Variants in ARSK observed in about 807,000 individuals in gnomAD.
ARSK encodes the protein arylsulfatase family member K.
A neutral mutation model predicts 53.2 loss-of-function variants in ARSK; 37 were observed. The observed-to-expected ratio is 0.70, with a 90% CI of 0.54 to 0.92. The LOEUF is 0.92. ARSK is among the 40% of genes least tolerant of loss of function. The pLI, the probability that ARSK is intolerant of heterozygous loss-of-function variation, is 0.00. For missense variants in ARSK, 613 were observed against 643.0 expected (o/e 0.95, Z 0.51); for synonymous variants, 208 against 223.2 (o/e 0.93, Z 0.61).
rs577621938 is a variant in ARSK, at chr5:95,584,966, C to T, written c.700-1596C>T. ...CGGAGGTTACAGTGAACCGAGATTG[C>T]GTCATTGCACCCCAGCCTGGGCAAC... is the stretch of plus-strand genomic sequence containing the variant. On this transcript the variant is annotated intron_variant, in intron 4 of 7. Coordinates refer to ENST00000380009, the MANE Select transcript of ARSK (RefSeq NM_198150.3). Among the ~76,000 whole-genome samples the T allele has an allele frequency of 1.2e-4, 19 of 152,156 alleles. 1 individual carries two copies. Among genetic ancestry groups the T allele is most frequent in the African/African-American group, 3.9e-4 (16 of 41,512 alleles).
In ARSK at chr5:95,605,013, A is replaced by G. The variant is rs995164252; in HGVS notation, c.*1487A>G. 2.0e-5 allele frequency: 3 copies of G among 152,248 alleles called. No homozygotes were observed. The highest frequency in any genetic ancestry group is 2.1e-4 in the South Asian group (1 of 4,832). 9.4% of individuals were successfully genotyped at this position (152,248 alleles called of 1,614,324 possible). A position where few individuals can be genotyped will look rare whatever the true frequency, so the allele number is the denominator to read the frequency against. The stretch of plus-strand genomic sequence containing the variant: ...GCAAATTTATGAATCTTTGTACACC[A>G]TAAGTATATACAATTATGATTTGTC... On this transcript the variant is annotated 3_prime_UTR_variant, in exon 8 of 8. Coordinates refer to ENST00000380009, the MANE Select transcript of ARSK (RefSeq NM_198150.3).
intron 1 of ARSK, chr5:95,556,077 A>G (rs374704618): frequency 5.4e-5 from 34 of 627,938 alleles, no homozygotes; most frequent in African/African-American, 2.0e-4. Flanking sequence ...TGCTTAGACA[A>G]TTGTTTGGTT....
At chr5:95,580,048 C>T (rs1317416936) in intron 3 of ARSK, among the ~76,000 whole-genome samples, 8 of 152,054 alleles carry the variant, frequency 5.3e-5, no homozygotes, top group African/African-American at 1.7e-4. Context: ...GAGATGCTGG[C>T]GTAGAGGAAA....
chr5:95,586,878 C>A, intron 5 of ARSK, 145 bp downstream of exon 5: 1 of 591,408 alleles, frequency 1.7e-6, no homozygotes. Context: ...TGATAACTTG[C>A]GTTATTGATA....
At chr5:95,578,938 T>C (rs56299812) in intron 3 of ARSK, among the ~76,000 whole-genome samples, 16 of 152,296 alleles carry the variant, frequency 1.1e-4, no homozygotes, top group Non-Finnish European at 2.1e-4. Context: ...ATGTGTTAAG[T>C]AGTTTTGTTT....
In ARSK at chr5:95,605,064, A is replaced by G. The variant is rs1749484290; in HGVS notation, c.*1538A>G. ...AATTAAAAATATTAGTACAAAATTTACAGATCTTTGCTTTTGTGGCTTTTG... is the reference window on the plus strand; with the variant it reads ...AATTAAAAATATTAGTACAAAATTTGCAGATCTTTGCTTTTGTGGCTTTTG... On this transcript the variant is annotated 3_prime_UTR_variant, in exon 8 of 8. Transcript: ENST00000380009. 6.6e-6 allele frequency: 1 copy of G among 152,214 alleles called. No homozygotes were observed. The allele number at this position is 152,214 out of a possible 1,614,324, so 9.4% of individuals were successfully genotyped here. A position where few individuals can be genotyped will look rare whatever the true frequency, so the allele number is the denominator to read the frequency against.
intron 6 of ARSK, among the ~76,000 whole-genome samples, chr5:95,595,810 G>C (rs984513891): frequency 1.3e-5 from 2 of 151,898 alleles, no homozygotes; most frequent in African/African-American, 4.8e-5. Context: ...ACCTGCACAT[G>C]TACCCACTGA....
chr5:95,587,077 A>G (rs1303883007), intron 5 of ARSK, among the ~76,000 whole-genome samples: 1 of 152,234 alleles, frequency 6.6e-6, no homozygotes, highest in Admixed American at 6.5e-5. Context: ...AAGGCAGCTT[A>G]GGTTTCTAGA....
chr5:95,571,774 C>T (rs1469249731), intron 3 of ARSK, among the ~76,000 whole-genome samples: 1 of 152,122 alleles, frequency 6.6e-6, no homozygotes, highest in Non-Finnish European at 1.5e-5. Context: ...CTGTATGTAC[C>T]CACACAGACA....
At chr5:95,557,996 A>G (rs1228629080) in intron 1 of ARSK, among the ~76,000 whole-genome samples, 3 of 152,212 alleles carry the variant, frequency 2.0e-5, no homozygotes, top group Non-Finnish European at 4.4e-5. Context: ...AGTGAACTAT[A>G]GTTTTGACAG....
chr5:95,570,156 C>G (rs1021323583), intron 3 of ARSK, among the ~76,000 whole-genome samples: 1 of 152,146 alleles, frequency 6.6e-6, no homozygotes, highest in Non-Finnish European at 1.5e-5. Flanking sequence ...TAAAATCTTT[C>G]AATGGTTTTT....
chr5:95,591,896 C>T (rs867485649), intron 6 of ARSK, among the ~76,000 whole-genome samples: 10 of 152,174 alleles, frequency 6.6e-5, no homozygotes, highest in African/African-American at 1.9e-4. Flanking sequence ...GTAAGATATT[C>T]GGGTTCATAA....
At chr5:95,594,082 T>C (rs1320123731) in intron 6 of ARSK, among the ~76,000 whole-genome samples, 1 of 152,210 alleles carries the variant, frequency 6.6e-6, no homozygotes, top group African/African-American at 2.4e-5. Context: ...TTGAATATTA[T>C]TTTTATTATC....
Position 95,591,687 on chromosome 5 carries a change from G to T in ARSK, c.1096+62G>T, listed in dbSNP as rs752623598. ...AATGCTGGAGAATGCAACTGAAGTTGTCAGTGAGTCAGTCTTTCAGTTAGT... is the reference window on the plus strand; with the variant it reads ...AATGCTGGAGAATGCAACTGAAGTTTTCAGTGAGTCAGTCTTTCAGTTAGT... On this transcript the variant is annotated intron_variant, in intron 6 of 7. Transcript: ENST00000380009. 5 of 1,504,900 alleles carry T rather than the reference G, an allele frequency of 3.3e-6. No individual in the cohort carries two copies. The East Asian group carries it at 6.8e-5, about 20-fold the overall frequency. 93.2% of individuals were successfully genotyped at this position (1,504,900 alleles called of 1,614,324 possible). A position where few individuals can be genotyped will look rare whatever the true frequency, so the allele number is the denominator to read the frequency against.
chr5:95,577,355 G>A (rs184591939), intron 3 of ARSK, among the ~76,000 whole-genome samples: 3 of 152,128 alleles, frequency 2.0e-5, no homozygotes, highest in Admixed American at 2.0e-4. Context: ...TAGATTCATA[G>A]CTAAAGTATT....
At chr5:95,574,392 T>C (rs1416382466) in intron 3 of ARSK, among the ~76,000 whole-genome samples, 2 of 152,208 alleles carry the variant, frequency 1.3e-5, no homozygotes, top group Non-Finnish European at 2.9e-5. Context: ...ATATGGCAAC[T>C]CTATTTTTAG....
At chr5:95,568,201 T>C in intron 3 of ARSK, 152 bp downstream of exon 3, 1 of 808,328 alleles carries the variant, frequency 1.2e-6, no homozygotes, top group Middle Eastern at 2.9e-4. Context: ...AATTTTAGCT[T>C]TCTTTCATCT....
chr5:95,582,707 G>A (rs1478640707), intron 3 of ARSK, among the ~76,000 whole-genome samples: 1 of 152,102 alleles, frequency 6.6e-6, no homozygotes, highest in African/African-American at 2.4e-5. Flanking sequence ...GAACACATAA[G>A]TGAATATTCA....
At chr5:95,561,042 C>T (rs1046809112) in intron 1 of ARSK, among the ~76,000 whole-genome samples, 4 of 152,162 alleles carry the variant, frequency 2.6e-5, no homozygotes, top group African/African-American at 9.7e-5. Flanking sequence ...ATCTCCTGAC[C>T]TTGGGATATA....
Sources: allele counts gnomAD v4.1 joint callset (sites outside exome capture counted in the v4.1 genomes callset), GRCh38; gene constraint gnomAD v4.1.1; transcripts MANE v1.5; gene names NCBI Gene and HGNC (gene_info 2026-07-23, HGNC 2026-07-21).